Variants in PARP1 observed in about 807,000 individuals in gnomAD.
PARP1 encodes poly [ADP-ribose] polymerase 1.
A neutral mutation model predicts 118.7 loss-of-function variants in PARP1; 44 were observed. That is an observed-to-expected ratio of 0.37 (90% CI 0.29 to 0.48). The LOEUF is 0.48. Ranked by LOEUF, PARP1 falls within the 20% of genes least tolerant of loss-of-function variation. The pLI is 0.99. For missense variants in PARP1, 1,100 were observed against 1,272.4 expected (o/e 0.86, Z 2.06); for synonymous variants, 492 against 483.2 (o/e 1.02, Z -0.24).
intron 3 of PARP1, among the ~76,000 whole-genome samples, chr1:226,391,365 G>A (rs1274705627): frequency 6.6e-6 from 1 of 152,064 alleles, no homozygotes; most frequent in Non-Finnish European, 1.5e-5. Flanking sequence ...ATCCAGTCCT[G>A]CCAGCCTGCC....
chr1:226,392,987 A>T (rs1276728657), intron 2 of PARP1: 1 of 1,543,350 alleles, frequency 6.5e-7, no homozygotes, highest in East Asian at 2.4e-5. Context: ...GGTTCTAGTA[A>T]GTGCATTAAG....
intron 2 of PARP1, chr1:226,392,786 C>G (rs1349801430): frequency 6.1e-6 from 4 of 659,464 alleles, no homozygotes; most frequent in Admixed American, 3.5e-5. Flanking sequence ...CTAAAGGTAT[C>G]ATTTCAAATT....
chr1:226,361,266 C>G lies in PARP1; in HGVS notation c.*194G>C. The G allele has an allele frequency of 1.5e-6, 1 of 646,766 alleles. No homozygotes were observed. Among genetic ancestry groups the G allele is most frequent in the Non-Finnish European group, 2.8e-6 (1 of 354,426 alleles). The allele number at this position is 646,766 out of a possible 1,614,324, so 40.1% of individuals were successfully genotyped here. On this transcript the variant is annotated 3_prime_UTR_variant, in exon 23 of 23. Transcript: ENST00000366794. ...AAAACAACCCCAAAACAACCCCTCC[C>G]CACAGACACAACACAAAACAAGGGA...
intron 2 of PARP1, among the ~76,000 whole-genome samples, chr1:226,395,646 A>G (rs1664899313): frequency 6.6e-6 from 1 of 152,260 alleles, no homozygotes. Context: ...CTGTCTCAAA[A>G]AAAACAAAAA....
chr1:226,375,079 C>T (rs762825896), intron 13 of PARP1, among the ~76,000 whole-genome samples: 2 of 152,214 alleles, frequency 1.3e-5, no homozygotes, highest in Admixed American at 6.5e-5. Context: ...GCAACTAAAA[C>T]GGAATTTGGT....
rs1300246299 is a variant in PARP1 at position 226,379,147 on chromosome 1, T to C, written c.1740A>G (p.Glu580=). 6.2e-7 allele frequency: 1 copy of C among 1,614,210 alleles called. No individual in the cohort carries two copies. Among genetic ancestry groups the C allele is most frequent in the East Asian group, 2.2e-5 (1 of 44,880 alleles). Residue 580 remains glutamate, a synonymous_variant, in exon 12 of 23, where the codon GAA becomes GAG. Coordinates refer to ENST00000366794, the MANE Select transcript of PARP1 (RefSeq NM_001618.4). ...GCTACACCTGCAGAACTCACCTGTT[T>C]TCCTTGTCGTCCTCCAGAAGCTGCA... is the stretch of plus-strand genomic sequence containing the variant. ...YKLQLLEDDK[E]NRYWIFRSWG...
At position 226,361,154 on chromosome 1, in the gene PARP1, G is replaced by T. The variant is rs539731658; in HGVS notation, c.*306C>A. ...AAGGCAGACATTCTAACGAAGCTTGGTTTTTTCCATAGGACTAGTCTATGC... is the reference window on the plus strand; with the variant it reads ...AAGGCAGACATTCTAACGAAGCTTGTTTTTTTCCATAGGACTAGTCTATGC... On this transcript the variant is annotated 3_prime_UTR_variant, in exon 23 of 23. Transcript: ENST00000366794. The T allele has an allele frequency of 1.6e-4, 67 of 428,786 alleles. No homozygotes were observed. The highest frequency in any genetic ancestry group is 1.2e-3 in the African/African-American group (63 of 50,928). 26.6% of individuals were successfully genotyped at this position (428,786 alleles called of 1,614,324 possible). A position where few individuals can be genotyped will look rare whatever the true frequency, so the allele number is the denominator to read the frequency against.
chr1:226,362,612 C>T (rs1179201874), intron 21 of PARP1, among the ~76,000 whole-genome samples: 1 of 152,182 alleles, frequency 6.6e-6, no homozygotes, highest in African/African-American at 2.4e-5. Context: ...GCCACTTCAA[C>T]CAGGCAGTGG....
chr1:226,370,991 C>A (rs1483473034), intron 14 of PARP1: 1 of 220,624 alleles, frequency 4.5e-6, no homozygotes, highest in Non-Finnish European at 9.3e-6. Context: ...TTAAAAAGGA[C>A]ACACTCCTGA....
chr1:226,390,421 G>A lies in PARP1; in HGVS notation c.606C>T (p.Val202=), dbSNP rs778239627. 26 of 1,613,628 alleles carry A rather than the reference G, an allele frequency of 1.6e-5. No homozygotes were observed. The highest frequency in any genetic ancestry group is 2.2e-5 in the Non-Finnish European group (26 of 1,179,990). ...KEALKKQLPG[V]KSEGKRKGDE... ...AGTGCTCCACCCACCCTTCACTCTTGACTCCTGGGAGCTGCTTCTTCAGGG... is the reference window on the plus strand; with the variant it reads ...AGTGCTCCACCCACCCTTCACTCTTAACTCCTGGGAGCTGCTTCTTCAGGG... The change falls in exon 4 of 23, where the codon GTC becomes GTT. Residue 202 remains valine, a synonymous_variant. Transcript: ENST00000366794.
intron 14 of PARP1, chr1:226,370,746 G>T: frequency 1.7e-6 from 1 of 594,150 alleles, no homozygotes; most frequent in East Asian, 3.0e-5. Flanking sequence ...GCTGGGCTTA[G>T]CCAACCATGT....
In PARP1 at chr1:226,366,023, C is replaced by G. The variant is rs1165949249; in HGVS notation, c.2436G>C (p.Glu812Asp). The part of the protein sequence containing the change: ...KVVDRDSEEA[E>D]IIRKYVKNTH... ...TGTTCTTAACATACTTCCTGATGAT[C>G]TCGGCTTCTTCAGAATCTCTGTCAA... The change falls in exon 18 of 23, where the codon GAG (glutamate) becomes GAC (aspartate). Residue 812 changes from glutamate to aspartate, a missense_variant. Coordinates refer to ENST00000366794, the MANE Select transcript of PARP1 (RefSeq NM_001618.4). The G allele has an allele frequency of 3.1e-6, 5 of 1,613,390 alleles. No individual in the cohort carries two copies. The highest frequency in any genetic ancestry group is 3.4e-6 in the Non-Finnish European group (4 of 1,179,336).
intron 2 of PARP1, among the ~76,000 whole-genome samples, chr1:226,393,999 T>C (rs1319193334): frequency 1.3e-5 from 2 of 152,202 alleles, no homozygotes; most frequent in Non-Finnish European, 2.9e-5. Context: ...TGGAAAAATA[T>C]TTGTAAAAAC....
chr1:226,372,040 G>C (rs1664393915), intron 14 of PARP1, among the ~76,000 whole-genome samples: 1 of 152,216 alleles, frequency 6.6e-6, no homozygotes, highest in African/African-American at 2.4e-5. Context: ...ACGAGCCCCA[G>C]CTGCAGCCAG....
Position 226,392,182 on chromosome 1 carries a change from G to T in PARP1, c.402+17C>A. 1 of 1,498,386 alleles carries T rather than the reference G, an allele frequency of 6.7e-7. No homozygotes were observed. Among genetic ancestry groups the T allele is most frequent in the Non-Finnish European group, 9.3e-7 (1 of 1,074,292 alleles). The allele number at this position is 1,498,386 out of a possible 1,614,324, so 92.8% of individuals were successfully genotyped here. Reference sequence around the variant, plus strand: ...GCAATCCATAAAGTTCAGGGATCTGGGCCCCCAAGATCTTACCTTTTCTAT... The same window carrying T: ...GCAATCCATAAAGTTCAGGGATCTGTGCCCCCAAGATCTTACCTTTTCTAT... On this transcript the variant is annotated intron_variant, in intron 3 of 22. Coordinates refer to ENST00000366794, the MANE Select transcript of PARP1 (RefSeq NM_001618.4).
chr1:226,387,299 C>G (rs900380971), intron 5 of PARP1, among the ~76,000 whole-genome samples: 1 of 152,146 alleles, frequency 6.6e-6, no homozygotes, highest in Non-Finnish European at 1.5e-5. Flanking sequence ...CTCATTTATT[C>G]TCATAACAAT....
chr1:226,392,742 T>C, intron 2 of PARP1: 1 of 573,148 alleles, frequency 1.7e-6, no homozygotes, highest in African/African-American at 1.9e-5. Context: ...TTGATATAAG[T>C]CAGACACAAG....
intron 2 of PARP1, 200 bp from the exon 3 acceptor site, chr1:226,392,514 C>A: frequency 1.6e-6 from 1 of 606,882 alleles, no homozygotes; most frequent in Non-Finnish European, 3.0e-6. Flanking sequence ...GATAAATGAC[C>A]CTTCTCAGAC....
chr1:226,385,486 T>A lies in PARP1; in HGVS notation c.1011+18A>T. 4 of 1,612,566 alleles carry A rather than the reference T, an allele frequency of 2.5e-6. No homozygotes were observed. Among genetic ancestry groups the A allele is most frequent in the Non-Finnish European group, 3.4e-6 (4 of 1,178,926 alleles). The stretch of plus-strand genomic sequence containing the variant: ...GTTTTTCTCCCAACAGATCCCAGGA[T>A]CTTCCCCTACCCCTTACCTTTGGGG... On this transcript the variant is annotated intron_variant, in intron 7 of 22. Coordinates refer to ENST00000366794, the MANE Select transcript of PARP1 (RefSeq NM_001618.4).
Sources: gnomAD v4.1 joint callset for allele counts (sites outside exome capture counted in the v4.1 genomes callset) on GRCh38, gnomAD v4.1.1 for gene constraint, MANE v1.5 for transcripts, NCBI Gene and HGNC (gene_info 2026-07-23, HGNC 2026-07-21) for gene names.